PSD3: variants seen among roughly 807,000 people sequenced by gnomAD.
The protein encoded by PSD3 is pleckstrin and Sec7 domain containing 3.
A neutral mutation model predicts 105.5 loss-of-function variants in PSD3; 49 were observed. That is an observed-to-expected ratio of 0.46 (90% CI 0.37 to 0.59). The LOEUF (loss-of-function observed/expected upper bound fraction) is 0.59, where lower values mean the gene tolerates loss of function less well. PSD3 is among the 20% of genes least tolerant of loss of function. PSD3 has a pLI of 0.00. For missense variants in PSD3, 1,561 were observed against 1,263.8 expected (o/e 1.24, Z -3.57); for synonymous variants, 557 against 457.8 (o/e 1.22, Z -2.77).
intron 1 of PSD3, among the ~76,000 whole-genome samples, chr8:18,978,080 C>T (rs1825041192): frequency 6.6e-6 from 1 of 152,202 alleles, no homozygotes; most frequent in Non-Finnish European, 1.5e-5. Flanking sequence ...TTGGGCCAGG[C>T]TCCCACCTGA....
intron 8 of PSD3, chr8:18,774,835 C>G: frequency 2.2e-6 from 1 of 453,704 alleles, no homozygotes; most frequent in Non-Finnish European, 4.4e-6. Context: ...ACATCTGGGA[C>G]AGGTCTACCT....
chr8:19,030,334 T>C (rs942599942), intron 1 of PSD3, among the ~76,000 whole-genome samples: 1 of 152,224 alleles, frequency 6.6e-6, no homozygotes, highest in East Asian at 1.9e-4. Context: ...GATCATAATG[T>C]ACTATTGTAT....
At chr8:18,967,794 TGAAA>T (rs1824374186) in intron 1 of PSD3, among the ~76,000 whole-genome samples, 1 of 152,148 alleles carries the variant, frequency 6.6e-6, no homozygotes, top group Non-Finnish European at 1.5e-5. Context: ...TGGAGGCATG[TGAAA>T]GATACACACA....
chr8:18,792,865 A>G (rs1309507449), intron 8 of PSD3, among the ~76,000 whole-genome samples: 1 of 152,312 alleles, frequency 6.6e-6, no homozygotes, highest in Admixed American at 6.5e-5. Context: ...TGCTATAAAG[A>G]CACATGCACA....
chr8:19,056,633 A>T (rs944155394), intron 1 of PSD3, among the ~76,000 whole-genome samples: 4 of 152,216 alleles, frequency 2.6e-5, no homozygotes, highest in Non-Finnish European at 5.9e-5. Context: ...TTCCATTATC[A>T]GTTTGGCTCC....
chr8:18,653,110 A>C (rs990375269), intron 10 of PSD3, among the ~76,000 whole-genome samples: 2 of 152,236 alleles, frequency 1.3e-5, no homozygotes, highest in South Asian at 4.2e-4. Flanking sequence ...TTGACCCATA[A>C]TCCCTTTGTT....
At chr8:18,715,562 G>A (rs1348877264) in intron 9 of PSD3, among the ~76,000 whole-genome samples, 2 of 151,992 alleles carry the variant, frequency 1.3e-5, no homozygotes, top group Non-Finnish European at 2.9e-5. Context: ...CAGACTAGAA[G>A]GCTTTAGATT....
chr8:18,697,733 C>T (rs1191909875), intron 9 of PSD3, among the ~76,000 whole-genome samples: 1 of 152,140 alleles, frequency 6.6e-6, no homozygotes, highest in Admixed American at 6.5e-5. Context: ...TTTAGGGGTC[C>T]TAGATTCCTC....
chr8:18,792,670 G>A (rs1809831184), intron 8 of PSD3, among the ~76,000 whole-genome samples: 1 of 152,106 alleles, frequency 6.6e-6, no homozygotes, highest in Non-Finnish European at 1.5e-5. Flanking sequence ...AAAAAGTCAG[G>A]AAACAACAGG....
chr8:18,616,206 T>C (rs564968856), intron 11 of PSD3, among the ~76,000 whole-genome samples: 1 of 152,360 alleles, frequency 6.6e-6, no homozygotes, highest in Non-Finnish European at 1.5e-5. Context: ...GATGGCCTCT[T>C]AGCTTTTCCC....
At chr8:18,909,500 G>T (rs1474643635) in intron 2 of PSD3, among the ~76,000 whole-genome samples, 3 of 152,010 alleles carry the variant, frequency 2.0e-5, no homozygotes, top group African/African-American at 7.2e-5. Flanking sequence ...TATTTTTTAA[G>T]AGGAAGCCTT....
At chr8:18,697,919 T>A (rs1801351832) in intron 9 of PSD3, among the ~76,000 whole-genome samples, 1 of 152,230 alleles carries the variant, frequency 6.6e-6, no homozygotes, top group Admixed American at 6.5e-5. Flanking sequence ...ATTTATCTAT[T>A]GTGGAAAGAT....
chr8:18,749,077 A>C (rs1805265525), intron 9 of PSD3, among the ~76,000 whole-genome samples: 1 of 152,234 alleles, frequency 6.6e-6, no homozygotes, highest in Non-Finnish European at 1.5e-5. Flanking sequence ...TAAAATAATG[A>C]TTCTGCATGC....
intron 9 of PSD3, among the ~76,000 whole-genome samples, chr8:18,670,048 CACTTTCTGGTAG>C (rs1219840276): frequency 6.6e-6 from 1 of 152,142 alleles, no homozygotes; most frequent in African/African-American, 2.4e-5. Flanking sequence ...ATAATTCTGT[CACTTTCTGGTAG>C]GCTACCAGAT....
intron 4 of PSD3, among the ~76,000 whole-genome samples, chr8:18,862,670 T>C (rs115789106): frequency 0.013 from 2,013 of 151,740 alleles, 48 homozygotes; most frequent in African/African-American, 0.046. Context: ...TTTTAAATTA[T>C]TCTTTTAATA....
chr8:18,893,110 A>G (rs1342240606), intron 2 of PSD3, among the ~76,000 whole-genome samples: 1 of 152,160 alleles, frequency 6.6e-6, no homozygotes, highest in Non-Finnish European at 1.5e-5. Flanking sequence ...CAAGGTCAAG[A>G]TGGCATAAAA....
chr8:18,683,374 C>G (rs1451511786), intron 9 of PSD3, among the ~76,000 whole-genome samples: 1 of 152,218 alleles, frequency 6.6e-6, no homozygotes, highest in East Asian at 1.9e-4. Flanking sequence ...GAAAAAGGAA[C>G]TAACTGAAAG....
chr8:18,850,833 C>T (rs1478582380), intron 4 of PSD3, among the ~76,000 whole-genome samples: 1 of 152,172 alleles, frequency 6.6e-6, no homozygotes, highest in Non-Finnish European at 1.5e-5. Flanking sequence ...TGCTAAAAAG[C>T]AGGGCCTCAA....
In PSD3 at chr8:19,013,566, T is replaced by G. The variant is rs760816800; in HGVS notation, c.18A>C (p.Ala6=). 4 of 1,553,984 alleles carry G rather than the reference T, an allele frequency of 2.6e-6. No individual in the cohort carries two copies. The African/African-American group carries it at 5.6e-5, about 22-fold the overall frequency. The part of the protein sequence containing the change: MEGRS[A]AAETFVWVNN... The stretch of plus-strand genomic sequence containing the variant: ...GCGCCCCGGCCCCGGAGCTCACCGC[T>G]GCGCTCCTTCCTTCCATCTTCCATC... The change falls in exon 1 of 16, where the codon GCA becomes GCC. Residue 6 remains alanine, a synonymous_variant. Transcript: ENST00000327040.
Sources: allele counts gnomAD v4.1 joint callset (sites outside exome capture counted in the v4.1 genomes callset), GRCh38; gene constraint gnomAD v4.1.1; transcripts MANE v1.5; gene names NCBI Gene and HGNC (gene_info 2026-07-23, HGNC 2026-07-21).